SLC22A11: variants seen among roughly 807,000 people sequenced by gnomAD.
The protein encoded by SLC22A11 is solute carrier family 22 member 11.
A neutral mutation model predicts 49.4 loss-of-function variants in SLC22A11; 42 were observed. The ratio of observed to expected loss-of-function variants is 0.85; its 90% CI spans 0.66 to 1.10. SLC22A11 has a LOEUF of 1.10. Among genes scored for constraint, SLC22A11 ranks in the 50% least tolerant of loss-of-function variants. The pLI, the probability that SLC22A11 is intolerant of heterozygous loss-of-function variation, is 0.00. For missense variants in SLC22A11, 685 were observed against 731.6 expected (o/e 0.94, Z 0.74); for synonymous variants, 304 against 315.8 (o/e 0.96, Z 0.40).
chr11:64,565,825 A>C lies in SLC22A11; in HGVS notation c.1058+488A>C. 1 of 300,628 alleles carries C rather than the reference A, an allele frequency of 3.3e-6. No homozygotes were observed. The highest frequency in any genetic ancestry group is 6.7e-6 in the Non-Finnish European group (1 of 149,576). The allele number at this position is 300,628 out of a possible 1,614,324, so 18.6% of individuals were successfully genotyped here. A position where few individuals can be genotyped will look rare whatever the true frequency, so the allele number is the denominator to read the frequency against. On this transcript the variant is annotated intron_variant, in intron 6 of 9. Transcript: ENST00000301891. This position sits in a 1 kb window ranked among gnomAD's most constrained non-coding sequence, Gnocchi z 4.1. ...CAGAGGGGTAAGGAACAAGCCCAAA[A>C]TAATAGAGCCTGCATTGGAACCGGG...
rs763918241 is a variant in SLC22A11 at position 64,568,654 on chromosome 11, C to T, written c.1274-16C>T. On this transcript the variant is annotated splice_polypyrimidine_tract_variant and intron_variant, in intron 7 of 9. Coordinates refer to ENST00000301891, the MANE Select transcript of SLC22A11 (RefSeq NM_018484.4). The stretch of plus-strand genomic sequence containing the variant: ...CTCCAGGGCAAACCCCACTCTCACC[C>T]CCTTCCTGTACCCAGATTTGCAGAC... 1.9e-5 allele frequency: 30 copies of T among 1,611,476 alleles called. No homozygotes were observed. Among genetic ancestry groups the T allele is most frequent in the South Asian group, 1.1e-4 (10 of 91,016 alleles).
At chr11:64,569,397 G>A (rs2038672873) in intron 8 of SLC22A11, among the ~76,000 whole-genome samples, 1 of 152,174 alleles carries the variant, frequency 6.6e-6, no homozygotes, top group South Asian at 2.1e-4. Flanking sequence ...GGAGCTCAGT[G>A]GCCTAGCAGG....
In SLC22A11 at chr11:64,559,238, G is replaced by C; in HGVS notation, c.497G>C (p.Arg166Pro). Residue 166 changes from arginine (R) to proline (P), a missense_variant and splice_region_variant, in exon 2 of 10, where the codon CGG becomes CCG. Transcript: ENST00000301891. ...GSFIWGLLSY[R>P]FGRKPMLSWC... ...TTTATCTGGGGCCTCCTCTCCTACC[G>C]GTGAGTGCCTCCGCTCCTCCCAGCC... 1 of 1,594,646 alleles carries C rather than the reference G, an allele frequency of 6.3e-7. No homozygotes were observed. The highest frequency in any genetic ancestry group is 8.6e-7 in the Non-Finnish European group (1 of 1,168,380).
chr11:64,557,372 C>T (rs985649364), intron 1 of SLC22A11, among the ~76,000 whole-genome samples: 4 of 152,112 alleles, frequency 2.6e-5, no homozygotes, highest in Admixed American at 6.5e-5. Flanking sequence ...AGCAAGGTTG[C>T]GAGGGGTGAG....
At position 64,571,156 on chromosome 11, in the gene SLC22A11, G is replaced by T. The variant is rs2038698585; in HGVS notation, c.*114G>T. 2 of 1,199,682 alleles carry T rather than the reference G, an allele frequency of 1.7e-6. No homozygotes were observed. The highest frequency in any genetic ancestry group is 1.3e-5 in the South Asian group (1 of 77,958). 74.3% of individuals were successfully genotyped at this position (1,199,682 alleles called of 1,614,324 possible). A position where few individuals can be genotyped will look rare whatever the true frequency, so the allele number is the denominator to read the frequency against. On this transcript the variant is annotated 3_prime_UTR_variant, in exon 10 of 10. Coordinates refer to ENST00000301891, the MANE Select transcript of SLC22A11 (RefSeq NM_018484.4). ...GACTTCAAGGGCCTGGCATGGCAGA[G>T]GCCAGGCAGCCGTGGCCGAGTGGAC...
At chr11:64,558,757 A>G (rs972098747) in intron 1 of SLC22A11, among the ~76,000 whole-genome samples, 1 of 152,038 alleles carries the variant, frequency 6.6e-6, no homozygotes, top group Admixed American at 6.6e-5. Flanking sequence ...CTCACAGCCC[A>G]CCACTGCCAG....
At chr11:64,570,934 T>C (rs1191445378) in intron 9 of SLC22A11, 45 bp from the exon 10 acceptor site, 3 of 1,606,870 alleles carry the variant, frequency 1.9e-6, no homozygotes, top group Non-Finnish European at 1.7e-6. Context: ...TCCGAGTACA[T>C]ACCCACTTCA....
chr11:64,559,104 C>T (rs1337854358), intron 1 of SLC22A11, 31 bp from the exon 2 acceptor site: 13 of 1,589,822 alleles, frequency 8.2e-6, no homozygotes, highest in Middle Eastern at 1.7e-4. Flanking sequence ...TCATACCCCC[C>T]GAGCTGAGCC....
At chr11:64,557,704 T>C (rs1029154693) in intron 1 of SLC22A11, among the ~76,000 whole-genome samples, 22 of 145,426 alleles carry the variant, frequency 1.5e-4, no homozygotes, top group African/African-American at 5.7e-4. Context: ...CAAACATGAC[T>C]GCCTGCAGCC....
chr11:64,563,551 G>A (rs1366298645), intron 4 of SLC22A11, among the ~76,000 whole-genome samples: 1 of 141,622 alleles, frequency 7.1e-6, no homozygotes, highest in East Asian at 2.0e-4. Flanking sequence ...TGAGGTTGGG[G>A]AGAAATAGAC....
At chr11:64,568,018 C>T (rs559581136) in intron 7 of SLC22A11, among the ~76,000 whole-genome samples, 27 of 152,358 alleles carry the variant, frequency 1.8e-4, no homozygotes, top group African/African-American at 6.5e-4. Flanking sequence ...AGGGACAGGG[C>T]GGCACGTCGT....
intron 1 of SLC22A11, 107 bp downstream of exon 1, chr11:64,556,499 C>G: frequency 1.3e-6 from 2 of 1,485,242 alleles, no homozygotes; most frequent in Non-Finnish European, 1.8e-6. Flanking sequence ...CCCGCCTCCT[C>G]TCGAGCCTCT....
In SLC22A11 at chr11:64,571,037, C is replaced by A; in HGVS notation, c.1648C>A (p.Leu550Ile). The change falls in exon 10 of 10, where the codon CTC becomes ATC. Residue 550 changes from leucine (L) to isoleucine (I), a missense_variant. Physicochemically the swap from Leu to Ile is conservative, Grantham distance 5 (BLOSUM62 2). Transcript: ENST00000301891. Reference protein sequence around the residue: ...QEAVTVESTSL With the variant: ...QEAVTVESTSI ...GGCCGTCACTGTGGAAAGTACCTCG[C>A]TCTAGAAATTGTGCCTGCATGGAGC... 6.2e-7 allele frequency: 1 copy of A among 1,614,244 alleles called. No individual in the cohort carries two copies. The highest frequency in any genetic ancestry group is 8.5e-7 in the Non-Finnish European group (1 of 1,180,038).
In SLC22A11 at chr11:64,567,613, TCTCCTA is replaced by T. The variant is rs746272127; in HGVS notation, c.1076_1081del (p.Ser359_Tyr360del). ...CTTGCCCGCAGTTTCTCTCTATTGATCTCCTACTATGGGCTGGTCTTCGACCTGCAG... is the reference window on the plus strand; with the variant it reads ...CTTGCCCGCAGTTTCTCTCTATTGATCTATGGGCTGGTCTTCGACCTGCAG... On this transcript the variant is annotated inframe_deletion, in exon 7 of 10. Coordinates refer to ENST00000301891, the MANE Select transcript of SLC22A11 (RefSeq NM_018484.4). 6.2e-7 allele frequency: 1 copy of T among 1,613,968 alleles called. No individual in the cohort carries two copies. The highest frequency in any genetic ancestry group is 8.5e-7 in the Non-Finnish European group (1 of 1,179,996).
intron 9 of SLC22A11, 77 bp downstream of exon 9, chr11:64,569,935 G>C: frequency 1.4e-6 from 2 of 1,406,702 alleles, no homozygotes; most frequent in African/African-American, 1.4e-5. Flanking sequence ...GGGCTGCCCA[G>C]GGCAAAGGCT....
chr11:64,569,614 G>A, intron 8 of SLC22A11, 38 bp from the exon 9 acceptor site: 4 of 1,585,192 alleles, frequency 2.5e-6, no homozygotes, highest in Non-Finnish European at 3.4e-6. Context: ...CACAGGGCCA[G>A]CTGTTACAGG....
rs1164894381 is a variant in SLC22A11 at position 64,571,683 on chromosome 11, C to T, written c.*641C>T. 1 of 152,512 alleles carries T rather than the reference C, an allele frequency of 6.6e-6. No homozygotes were observed. Among genetic ancestry groups the T allele is most frequent in the African/African-American group, 2.4e-5 (1 of 41,474 alleles). The allele number at this position is 152,512 out of a possible 1,614,324, so 9.4% of individuals were successfully genotyped here. ...AGCTGTTTTAATCACTTTTCATTTA[C>T]TCATCAGTGAGGGAGGGCTTCCAGC... On this transcript the variant is annotated 3_prime_UTR_variant, in exon 10 of 10. Coordinates refer to ENST00000301891, the MANE Select transcript of SLC22A11 (RefSeq NM_018484.4).
chr11:64,565,211 C>A lies in SLC22A11; in HGVS notation c.943-11C>A. On this transcript the variant is annotated splice_polypyrimidine_tract_variant and intron_variant, in intron 5 of 9. Transcript: ENST00000301891. The surrounding 1 kb of genome is among the most constrained non-coding windows in gnomAD (Gnocchi z 4.1). ...CCCTACCATTCACGGTGCCCCCATT[C>A]TCCCCGGAAGGTGCTGATGTCCAGC... is the stretch of plus-strand genomic sequence containing the variant. The A allele has an allele frequency of 6.6e-7, 1 of 1,520,344 alleles. No individual in the cohort carries two copies. The highest frequency in any genetic ancestry group is 8.9e-7 in the Non-Finnish European group (1 of 1,127,592). The allele number at this position is 1,520,344 out of a possible 1,614,324, so 94.2% of individuals were successfully genotyped here.
In SLC22A11 at chr11:64,569,725, C is replaced by T. The variant is rs201264266; in HGVS notation, c.1456C>T (p.Arg486Cys). 24 of 1,614,012 alleles carry T rather than the reference C, an allele frequency of 1.5e-5. No homozygotes were observed. The highest frequency in any genetic ancestry group is 4.5e-5 in the East Asian group (2 of 44,892). Residue 486 changes from arginine (R) to cysteine (C), a missense_variant, in exon 9 of 10, where the codon CGC (arginine) becomes TGC (cysteine). Coordinates refer to ENST00000301891, the MANE Select transcript of SLC22A11 (RefSeq NM_018484.4). Reference protein sequence around the residue: ...AMMGPLILMSRQALPLLPPLL... With the variant: ...AMMGPLILMSCQALPLLPPLL... ...GATGGGTCCCCTGATCCTGATGAGC[C>T]GCCAAGCCCTGCCCCTGCTGCCTCC...
Sources: allele counts gnomAD v4.1 joint callset (sites outside exome capture counted in the v4.1 genomes callset), GRCh38; gene constraint gnomAD v4.1.1; non-coding constraint Gnocchi (gnomAD v3.1); transcripts MANE v1.5; gene names NCBI Gene and HGNC (gene_info 2026-07-23, HGNC 2026-07-21).